RTN4: variants seen among roughly 807,000 people sequenced by gnomAD.
The protein encoded by RTN4 is reticulon-4.
Under a neutral mutation model 90.4 loss-of-function variants are expected in RTN4, and 32 were observed. That is an observed-to-expected ratio of 0.35 (90% CI 0.27 to 0.48). The LOEUF is 0.48. Among genes scored for constraint, RTN4 ranks in the 20% least tolerant of loss-of-function variants. The pLI, the probability that RTN4 is intolerant of heterozygous loss-of-function variation, is 0.99. For synonymous variants in RTN4, 629 were observed against 552.5 expected, an observed-to-expected ratio of 1.14 and a Z score of -1.94; for missense variants, 1,706 against 1,430.2, an observed-to-expected ratio of 1.19 and a Z score of -3.11.
At chr2:55,115,445 C>A (rs890902373), upstream of RTN4, among the ~76,000 whole-genome samples, 2 of 152,164 alleles carry the variant, frequency 1.3e-5, no homozygotes, top group Non-Finnish European at 2.9e-5. Context: ...TTACACTGGG[C>A]CCATCTATAT....
At chr2:55,052,245 G>C (rs899021749), upstream of RTN4, among the ~76,000 whole-genome samples, 1 of 152,170 alleles carries the variant, frequency 6.6e-6, no homozygotes. Flanking sequence ...CAGTTCATCA[G>C]TTGTAACAAA....
chr2:55,061,025 T>G (rs1192958156), intron 2 of RTN4, among the ~76,000 whole-genome samples: 1 of 152,072 alleles, frequency 6.6e-6, no homozygotes, highest in African/African-American at 2.4e-5. Context: ...CATCATGACA[T>G]TCTTCGTCTA....
chr2:55,090,358 G>A (rs766059559), intron 1 of RTN4, among the ~76,000 whole-genome samples: 1 of 152,130 alleles, frequency 6.6e-6, no homozygotes, highest in African/African-American at 2.4e-5. Context: ...AAACACACAC[G>A]CTCACATCTG....
chr2:55,011,157 C>G (rs1680599947), intron 3 of RTN4, among the ~76,000 whole-genome samples: 1 of 152,112 alleles, frequency 6.6e-6, no homozygotes, highest in East Asian at 1.9e-4. Context: ...ATCTCAGTCA[C>G]CACAGGCATG....
intron 5 of RTN4, among the ~76,000 whole-genome samples, chr2:54,977,033 G>A (rs1195691196): frequency 6.6e-6 from 1 of 152,228 alleles, no homozygotes; most frequent in Non-Finnish European, 1.5e-5. Context: ...AATTCACTGT[G>A]TATAACACAC....
intron 3 of RTN4, among the ~76,000 whole-genome samples, chr2:54,993,666 G>C (rs1403028907): frequency 6.6e-6 from 1 of 152,194 alleles, no homozygotes; most frequent in Admixed American, 6.5e-5. Context: ...CTACATGAGA[G>C]TAGCTCAAAG....
At chr2:55,123,676 T>C in the RTN4 span, among the ~76,000 whole-genome samples, 1 of 151,964 alleles carries the variant, frequency 6.6e-6, no homozygotes, top group Non-Finnish European at 1.5e-5. Flanking sequence ...TTATACCATA[T>C]GACACCAAAA....
rs1189174920 is a variant in RTN4, at chr2:55,042,724, A to G, written c.556+7021T>C. On this transcript the variant is annotated intron_variant, in intron 1 of 8. Coordinates refer to ENST00000337526, the MANE Select transcript of RTN4 (RefSeq NM_020532.5). ...AAGATATTATAGTAATTCTAGAACT[A>G]TACAGAATATGAAGATCAGCATCTT... Among the ~76,000 whole-genome samples the G allele has an allele frequency of 2.0e-5, 3 of 152,202 alleles. No homozygotes were observed. The South Asian group carries it at 6.2e-4, about 31-fold the overall frequency.
intron 1 of RTN4, chr2:55,049,219 G>T (rs199726705): frequency 4.7e-5 from 46 of 970,304 alleles, no homozygotes; most frequent in Non-Finnish European, 5.5e-5. Context: ...AGCGCAAAGG[G>T]GCCACCCACG....
At chr2:55,081,054 TTTCTTTCA>T (rs971185398) in intron 1 of RTN4, among the ~76,000 whole-genome samples, 3 of 152,128 alleles carry the variant, frequency 2.0e-5, no homozygotes, top group South Asian at 2.1e-4. Flanking sequence ...CCTTCCTTTC[TTTCTTTCA>T]TTCTTTCATT....
chr2:55,013,648 G>C (rs992893143), intron 3 of RTN4, among the ~76,000 whole-genome samples: 1 of 150,834 alleles, frequency 6.6e-6, no homozygotes, highest in Admixed American at 6.6e-5. Flanking sequence ...TATCTAACTG[G>C]CAAGATTTCA....
chr2:55,103,869 A>G (rs965244398), intron 1 of RTN4, among the ~76,000 whole-genome samples: 10 of 151,634 alleles, frequency 6.6e-5, no homozygotes, highest in Non-Finnish European at 1.3e-4. Context: ...TAATTTTTGT[A>G]TATTTAGCAG....
rs150779063 is a variant in RTN4 at position 55,022,896 on chromosome 2, A to AACACAC, written c.3013+2184_3013+2189dup. Among the ~76,000 whole-genome samples, 1,232 of 137,448 alleles carry AACACAC rather than the reference A, an allele frequency of 9.0e-3. 20 individuals are homozygous for AACACAC. Among genetic ancestry groups the AACACAC allele is most frequent in the African/African-American group, 0.025 (936 of 37,530 alleles). The allele number at this position is 137,448 out of a possible 152,430, so 90.2% of individuals were successfully genotyped here. A position where few individuals can be genotyped will look rare whatever the true frequency, so the allele number is the denominator to read the frequency against. On this transcript the variant is annotated intron_variant, in intron 3 of 8. Transcript: ENST00000337526. Reference sequence around the variant, plus strand: ...CTCTGAAATTCTAAATTCAACATCCAACACACACACACACACACACACACA... The same window carrying AACACAC: ...CTCTGAAATTCTAAATTCAACATCCAACACACACACACACACACACACACACACACA...
chr2:54,989,999 G>A (rs1176643889), intron 3 of RTN4, among the ~76,000 whole-genome samples: 3 of 152,016 alleles, frequency 2.0e-5, no homozygotes, highest in East Asian at 3.9e-4. Flanking sequence ...ACCCTACAAC[G>A]GTGACTTAAT....
chr2:55,094,997 C>T (rs1162501103), intron 1 of RTN4, among the ~76,000 whole-genome samples: 1 of 152,136 alleles, frequency 6.6e-6, no homozygotes, highest in Admixed American at 6.6e-5. Flanking sequence ...CGTATTATCG[C>T]CATACTCCAT....
chr2:55,136,959 T>G, the RTN4 span, among the ~76,000 whole-genome samples: 1 of 152,170 alleles, frequency 6.6e-6, no homozygotes, highest in South Asian at 2.1e-4. Context: ...AGACTGGCCT[T>G]TTACCAGGTA....
chr2:55,123,033 T>C, the RTN4 span, among the ~76,000 whole-genome samples: 10 of 152,182 alleles, frequency 6.6e-5, no homozygotes, highest in Non-Finnish European at 1.2e-4. Flanking sequence ...GCACTGCAAA[T>C]CCAATATCCA....
rs1230174155 is a variant in RTN4, at chr2:55,009,870, A to AGGTTT, written c.3013+15215_3013+15216insAAACC. Among the ~76,000 whole-genome samples, 1,228 of 152,332 alleles carry AGGTTT rather than the reference A, an allele frequency of 8.1e-3. 12 individuals are homozygous for AGGTTT. Among genetic ancestry groups the AGGTTT allele is most frequent in the African/African-American group, 0.028 (1,176 of 41,568 alleles). ...ACAGAACCTAAACGGCAGGACTGAA[A>AGGTTT]AGACTAAACCGAATGCCAGTGAAAC... On this transcript the variant is annotated intron_variant, in intron 3 of 8. Transcript: ENST00000337526.
intron 1 of RTN4, among the ~76,000 whole-genome samples, chr2:55,091,062 G>C (rs570570592): frequency 6.6e-6 from 1 of 152,296 alleles, no homozygotes; most frequent in African/African-American, 2.4e-5. Flanking sequence ...TGCTCAACTG[G>C]CTAGAGCAAA....
Sources: allele counts gnomAD v4.1 joint callset (sites outside exome capture counted in the v4.1 genomes callset), GRCh38; gene constraint gnomAD v4.1.1; transcripts MANE v1.5; gene names NCBI Gene and HGNC (gene_info 2026-07-23, HGNC 2026-07-21).